MPI: variants seen among roughly 807,000 people sequenced by gnomAD.
MPI encodes the protein mannose-6-phosphate isomerase.
Under a neutral mutation model 40.1 loss-of-function variants are expected in MPI, and 33 were observed. The observed-to-expected ratio is 0.82, with a 90% CI of 0.62 to 1.10. The LOEUF is 1.10. MPI is among the 50% of genes least tolerant of loss of function. The pLI, the probability that MPI is intolerant of heterozygous loss-of-function variation, is 0.00. For synonymous variants in MPI, 187 were observed against 207.4 expected (o/e 0.90, Z 0.85); for missense variants, 514 against 524.1 (o/e 0.98, Z 0.19).
chr15:74,893,077 C>G, intron 4 of MPI, 61 bp from the exon 5 acceptor site: 3 of 1,601,856 alleles, frequency 1.9e-6, no homozygotes, highest in Non-Finnish European at 2.6e-6. Context: ...TCCAACTCCC[C>G]ACTTGTGTGG....
chr15:74,891,135 A>T lies in MPI; in HGVS notation c.145-244A>T. The T allele has an allele frequency of 6.5e-6, 4 of 614,358 alleles. No homozygotes were observed. The Admixed American group carries it at 1.0e-4, about 16-fold the overall frequency. 38.1% of individuals were successfully genotyped at this position (614,358 alleles called of 1,614,324 possible). On this transcript the variant is annotated intron_variant, in intron 2 of 7. Coordinates refer to ENST00000352410, the MANE Select transcript of MPI (RefSeq NM_002435.3). ...CTCTTTGGACAGACAAAGAAGATAC[A>T]TCTAAAGAAGGGAAATAACTAGTCC...
At chr15:74,891,122 A>G (rs1308792234) in intron 2 of MPI, 2 of 602,040 alleles carry the variant, frequency 3.3e-6, no homozygotes, top group African/African-American at 1.9e-5. Context: ...CTTTGGACAG[A>G]CAAAGAAGAT....
At position 74,892,654 on chromosome 15, in the gene MPI, C is replaced by T. The variant is rs760689209; in HGVS notation, c.346-7C>T. 2 of 1,614,086 alleles carry T rather than the reference C, an allele frequency of 1.2e-6. No homozygotes were observed. Among genetic ancestry groups the T allele is most frequent in the Non-Finnish European group, 1.7e-6 (2 of 1,180,042 alleles). On this transcript the variant is annotated splice_polypyrimidine_tract_variant and splice_region_variant and intron_variant, in intron 3 of 7. Coordinates refer to ENST00000352410, the MANE Select transcript of MPI (RefSeq NM_002435.3). The stretch of plus-strand genomic sequence containing the variant: ...ACCATCCTCCTCTTCCCCTGGCCAC[C>T]CCACAGGAGCTGGCAGAGAAGCTGC...
At chr15:74,894,414 G>C (rs986984658) in intron 5 of MPI, among the ~76,000 whole-genome samples, 4 of 151,638 alleles carry the variant, frequency 2.6e-5, no homozygotes, top group Non-Finnish European at 4.4e-5. Flanking sequence ...GCCTGGCTGG[G>C]CACGGTGGCT....
Position 74,897,114 on chromosome 15 carries a change from T to G in MPI, c.948T>G (p.Pro316=), listed in dbSNP as rs778221310. The change falls in exon 7 of 8, where the codon CCT becomes CCG. Residue 316 remains proline, a synonymous_variant. Transcript: ENST00000352410. ...TGTGTGAAATGCTCAGCTATACCCC[T>G]AGCTCCAGCAAGGACAGGCTCTTTC... ...PTLCEMLSYT[P]SSSKDRLFLP... is the part of the protein sequence containing the mutation. 1.2e-6 allele frequency: 2 copies of G among 1,614,156 alleles called. No individual in the cohort carries two copies. Among genetic ancestry groups the G allele is most frequent in the South Asian group, 2.2e-5 (2 of 91,090 alleles).
At chr15:74,890,138 T>C (rs2064701678) in intron 1 of MPI, 49 bp downstream of exon 1, 3 of 1,604,502 alleles carry the variant, frequency 1.9e-6, no homozygotes, top group East Asian at 2.2e-5. Context: ...GAGCGCGTCC[T>C]GGGGACGACT....
rs1452964686 is a variant in MPI, at chr15:74,890,578, C to T, written c.68C>T (p.Ser23Phe). The change falls in exon 2 of 8, where the codon TCC becomes TTC. Residue 23 changes from serine (S) to phenylalanine (F), a missense_variant. Transcript: ENST00000352410. ...VQQYAWGKMG[S>F]NSEVARLLAS... ...CAGTATGCCTGGGGGAAGATGGGTTCCAACAGCGAAGTGGCGCGGCTGTTG... is the reference window on the plus strand; with the variant it reads ...CAGTATGCCTGGGGGAAGATGGGTTTCAACAGCGAAGTGGCGCGGCTGTTG... 2 of 1,614,036 alleles carry T rather than the reference C, an allele frequency of 1.2e-6. No individual in the cohort carries two copies. Among genetic ancestry groups the T allele is most frequent in the African/African-American group, 1.3e-5 (1 of 74,912 alleles).
Position 74,897,575 on chromosome 15 carries a change from G to A in MPI, c.1117G>A (p.Val373Ile), listed in dbSNP as rs781643554. ...GGACTCTGCCAGCATCCTCCTGATGGTACAGGGGACAGTAATAGCCAGCAC... is the reference window on the plus strand; with the variant it reads ...GGACTCTGCCAGCATCCTCCTGATGATACAGGGGACAGTAATAGCCAGCAC... ...ALDSASILLMVQGTVIASTPT... is the reference protein window; with the variant it reads ...ALDSASILLMIQGTVIASTPT... Residue 373 changes from valine (V) to isoleucine (I), a missense_variant, in exon 8 of 8, where the codon GTA becomes ATA. Physicochemically the swap from Val to Ile is conservative, Grantham distance 29. Transcript: ENST00000352410. The A allele has an allele frequency of 6.2e-7, 1 of 1,614,158 alleles. No homozygotes were observed. The highest frequency in any genetic ancestry group is 8.5e-7 in the Non-Finnish European group (1 of 1,180,016).
chr15:74,891,099 A>C, intron 2 of MPI: 1 of 597,012 alleles, frequency 1.7e-6, no homozygotes, highest in Non-Finnish European at 3.1e-6. Flanking sequence ...GACAGTGCAG[A>C]TGTCATTCTC....
intron 7 of MPI, 139 bp from the exon 8 acceptor site, chr15:74,897,373 C>A: frequency 7.8e-7 from 1 of 1,289,380 alleles, no homozygotes; most frequent in Non-Finnish European, 1.1e-6. Flanking sequence ...TACCAGGGAC[C>A]AGGCCTCTAT....
At chr15:74,892,471 G>T (rs2064741332) in intron 3 of MPI, among the ~76,000 whole-genome samples, 190 bp from the exon 4 acceptor site, 1 of 152,226 alleles carries the variant, frequency 6.6e-6, no homozygotes, top group African/African-American at 2.4e-5. Flanking sequence ...CCCCTGATTT[G>T]CCCCTGCCCT....
chr15:74,892,948 G>GT, intron 4 of MPI, 146 bp downstream of exon 4: 1 of 1,401,826 alleles, frequency 7.1e-7, no homozygotes, highest in Non-Finnish European at 1.0e-6. Context: ...AGTGAGCCAG[G>GT]CCAGTGAGAC....
rs2064831979 is a variant in MPI at position 74,897,198 on chromosome 15, C to G, written c.1032C>G (p.Asp344Glu). 1.9e-6 allele frequency: 3 copies of G among 1,614,176 alleles called. No individual in the cohort carries two copies. Among genetic ancestry groups the G allele is most frequent in the Non-Finnish European group, 2.5e-6 (3 of 1,180,012 alleles). Residue 344 changes from aspartate (D) to glutamate (E), a missense_variant, in exon 7 of 8, where the codon GAC becomes GAG. Asp to Glu is a conservative substitution (Grantham distance 45). Coordinates refer to ENST00000352410, the MANE Select transcript of MPI (RefSeq NM_002435.3). ...CAATCTATGACCCCCCTGTACCAGA[C>G]TTCACCATTATGAAGACGGAGGTGA... Reference protein sequence around the residue: ...YLSIYDPPVPDFTIMKTEVPG... With the variant: ...YLSIYDPPVPEFTIMKTEVPG...
chr15:74,890,207 T>C (rs1296013517), intron 1 of MPI, 118 bp downstream of exon 1: 1 of 1,441,078 alleles, frequency 6.9e-7, no homozygotes, highest in Non-Finnish European at 9.5e-7. Context: ...GATGGGTGGG[T>C]GCCGGGCAGA....
At chr15:74,892,134 C>T (rs940806268) in intron 3 of MPI, among the ~76,000 whole-genome samples, 2 of 152,136 alleles carry the variant, frequency 1.3e-5, no homozygotes, top group Non-Finnish European at 2.9e-5. Context: ...GCTGGGACTA[C>T]AGGCACGCGC....
At chr15:74,893,580 C>T (rs1246326157) in intron 5 of MPI, 1 of 608,062 alleles carries the variant, frequency 1.6e-6, no homozygotes, top group Admixed American at 2.7e-5. Flanking sequence ...TCTTAGGATG[C>T]CTTCCACCTA....
intron 5 of MPI, chr15:74,895,807 C>G: frequency 3.0e-6 from 1 of 337,014 alleles, no homozygotes. Context: ...TCCATCAGTA[C>G]ACAGGACAGC....
intron 5 of MPI, 91 bp downstream of exon 5, chr15:74,893,411 T>TG (rs2064756589): frequency 2.7e-6 from 4 of 1,460,974 alleles, no homozygotes; most frequent in Non-Finnish European, 3.8e-6. Flanking sequence ...TCAACCCCCT[T>TG]GCCCAAGTGG....
intron 5 of MPI, among the ~76,000 whole-genome samples, chr15:74,894,038 CAG>C (rs879933045): frequency 0.33 from 22,193 of 66,766 alleles, 3,880 homozygotes; most frequent in East Asian, 0.69. Context: ...TTTTTCTGTT[CAG>C]TGTGTGTGTG....
Sources: gnomAD v4.1 joint callset for allele counts (sites outside exome capture counted in the v4.1 genomes callset) on GRCh38, gnomAD v4.1.1 for gene constraint, MANE v1.5 for transcripts, NCBI Gene and HGNC (gene_info 2026-07-23, HGNC 2026-07-21) for gene names.